Variants in CHSY3 observed in about 807,000 individuals in gnomAD.
CHSY3 encodes chondroitin sulfate synthase 3, also known as N-acetylgalactosaminyl-proteoglycan 3-beta-glucuronosyltransferase 3.
In CHSY3, 35 loss-of-function variants were observed where a neutral mutation model predicts 67.2. That is an observed-to-expected ratio of 0.52 (90% CI 0.40 to 0.69). The LOEUF is 0.69. CHSY3 is among the 30% of genes least tolerant of loss of function. The pLI is 0.00. For synonymous variants in CHSY3, 474 were observed against 434.7 expected (o/e 1.09, Z -1.12); for missense variants, 1,069 against 1,138.5 (o/e 0.94, Z 0.88).
chr5:130,127,114 T>C (rs1768318834), intron 2 of CHSY3, among the ~76,000 whole-genome samples: 1 of 152,206 alleles, frequency 6.6e-6, no homozygotes. Context: ...AGCAGCTTTG[T>C]TTTCCAAGTG....
intron 2 of CHSY3, among the ~76,000 whole-genome samples, chr5:129,952,091 A>C (rs1168635875): frequency 6.6e-6 from 1 of 152,174 alleles, no homozygotes; most frequent in Admixed American, 6.5e-5. Flanking sequence ...CAGGAGGTAA[A>C]GGAAAAAGAG....
intron 2 of CHSY3, among the ~76,000 whole-genome samples, chr5:129,940,040 A>C (rs1380700797): frequency 6.6e-6 from 1 of 152,156 alleles, no homozygotes; most frequent in African/African-American, 2.4e-5. Context: ...CACCGTTGAA[A>C]AAATTCTTTA....
intron 2 of CHSY3, among the ~76,000 whole-genome samples, chr5:129,922,657 CT>C: frequency 6.6e-6 from 1 of 151,658 alleles, no homozygotes; most frequent in South Asian, 2.1e-4. Flanking sequence ...CAATTCAGGT[CT>C]TTTGCCCATT....
At chr5:130,120,503 AAAAAAGACAAAATTAT>A (rs1044653271) in intron 2 of CHSY3, among the ~76,000 whole-genome samples, 2 of 151,100 alleles carry the variant, frequency 1.3e-5, no homozygotes, top group African/African-American at 4.9e-5. Flanking sequence ...AAAAAAAAAA[AAAAAAGACAAAATTAT>A]AAGGTCTGTC....
intron 2 of CHSY3, among the ~76,000 whole-genome samples, chr5:130,183,558 GTC>G (rs910458906): frequency 1.3e-5 from 2 of 152,088 alleles, no homozygotes; most frequent in African/African-American, 4.8e-5. Context: ...TGTCCATTCT[GTC>G]TCTCTCCTTC....
chr5:130,123,158 T>C (rs1768110252), intron 2 of CHSY3, among the ~76,000 whole-genome samples: 1 of 152,202 alleles, frequency 6.6e-6, no homozygotes, highest in Non-Finnish European at 1.5e-5. Context: ...ATTAATTTTA[T>C]ATAGTTGCCA....
At chr5:130,027,859 T>C (rs1313941383) in intron 2 of CHSY3, among the ~76,000 whole-genome samples, 1 of 152,190 alleles carries the variant, frequency 6.6e-6, no homozygotes, top group Non-Finnish European at 1.5e-5. Flanking sequence ...ATTTTCTTAA[T>C]CCAGTCTATC....
chr5:130,165,569 G>A (rs1456124812), intron 2 of CHSY3, among the ~76,000 whole-genome samples: 1 of 151,756 alleles, frequency 6.6e-6, no homozygotes, highest in Non-Finnish European at 1.5e-5. Context: ...TCCATGTTTA[G>A]AAAAGGTAAA....
chr5:130,109,103 T>TA (rs1329473608), intron 2 of CHSY3, among the ~76,000 whole-genome samples: 1 of 151,626 alleles, frequency 6.6e-6, no homozygotes, highest in Admixed American at 6.6e-5. Flanking sequence ...GGAAATGAAA[T>TA]AAAAGTTCTA....
intron 2 of CHSY3, chr5:130,140,794 T>C (rs951568514): frequency 1.8e-5 from 4 of 228,542 alleles, no homozygotes; most frequent in East Asian, 1.4e-4. Flanking sequence ...GTGAGAACAA[T>C]AGAGCTGTCT....
chr5:129,909,155 G>A (rs1760439771), intron 2 of CHSY3, among the ~76,000 whole-genome samples: 1 of 151,984 alleles, frequency 6.6e-6, no homozygotes, highest in Non-Finnish European at 1.5e-5. Context: ...ATTTTGAAAT[G>A]TAATAACATT....
rs116509816 is a variant in CHSY3 at position 130,154,855 on chromosome 5, A to C, written c.1087-29374A>C. Among the ~76,000 whole-genome samples, 1,493 of 152,288 alleles carry C rather than the reference A, an allele frequency of 9.8e-3. 30 individuals are homozygous for C. Among genetic ancestry groups the C allele is most frequent in the African/African-American group, 0.034 (1,420 of 41,556 alleles). On this transcript the variant is annotated intron_variant, in intron 2 of 2. Coordinates refer to ENST00000305031, the MANE Select transcript of CHSY3 (RefSeq NM_175856.5). The stretch of plus-strand genomic sequence containing the variant: ...TCTTCCTAGGAAGGTAGAGTGTTAG[A>C]TAGAGACTGGCAAACCCTGTACCAC...
chr5:130,087,948 C>T (rs1302130252), intron 2 of CHSY3, among the ~76,000 whole-genome samples: 4 of 152,100 alleles, frequency 2.6e-5, no homozygotes, highest in East Asian at 3.9e-4. Flanking sequence ...GGAGGCATCA[C>T]ACTACCTGAC....
At chr5:130,140,194 C>T (rs533300573) in intron 2 of CHSY3, 1 of 252,102 alleles carries the variant, frequency 4.0e-6, no homozygotes, top group African/African-American at 2.3e-5. Context: ...AGTGATGCCA[C>T]AAAGAATCAA....
chr5:129,965,393 G>C (rs1053869485), intron 2 of CHSY3, among the ~76,000 whole-genome samples: 1 of 151,844 alleles, frequency 6.6e-6, no homozygotes, highest in Non-Finnish European at 1.5e-5. Context: ...TTACATTTCC[G>C]TATAATACAG....
In CHSY3 at chr5:130,178,185, G is replaced by A. The variant is rs1412013207; in HGVS notation, c.1087-6044G>A. ...GTATTATATGTATATATATGTGTGTGTGTATATATATATATTTATATATAT... is the reference window on the plus strand; with the variant it reads ...GTATTATATGTATATATATGTGTGTATGTATATATATATATTTATATATAT... On this transcript the variant is annotated intron_variant, in intron 2 of 2. Transcript: ENST00000305031. 1.0e-3 allele frequency among the ~76,000 whole-genome samples: 106 copies of A among 101,880 alleles called. 1 individual carries two copies. The highest frequency in any genetic ancestry group is 3.0e-3 in the African/African-American group (78 of 25,702). The allele number at this position is 101,880 out of a possible 152,430, so 66.8% of individuals were successfully genotyped here. A position where few individuals can be genotyped will look rare whatever the true frequency, so the allele number is the denominator to read the frequency against.
At chr5:130,069,370 G>A (rs1473591819) in intron 2 of CHSY3, among the ~76,000 whole-genome samples, 1 of 151,986 alleles carries the variant, frequency 6.6e-6, no homozygotes, top group East Asian at 1.9e-4. Context: ...AGAGTATATG[G>A]CCAGGCATGG....
At chr5:129,977,287 T>C (rs914148143) in intron 2 of CHSY3, among the ~76,000 whole-genome samples, 2 of 152,128 alleles carry the variant, frequency 1.3e-5, no homozygotes, top group African/African-American at 4.8e-5. Context: ...ATTTCAAGGA[T>C]AGGTATATTT....
intron 2 of CHSY3, among the ~76,000 whole-genome samples, chr5:130,176,186 G>A (rs565980172): frequency 1.1e-4 from 16 of 151,968 alleles, no homozygotes; most frequent in Admixed American, 2.6e-4. Context: ...AAAAGTGGGC[G>A]AAGGATATGA....
Sources: gnomAD v4.1 joint callset for allele counts (sites outside exome capture counted in the v4.1 genomes callset) on GRCh38, gnomAD v4.1.1 for gene constraint, MANE v1.5 for transcripts, NCBI Gene and HGNC (gene_info 2026-07-23, HGNC 2026-07-21) for gene names.